Variants in PTPRD observed in about 807,000 individuals in gnomAD.
The protein encoded by PTPRD is receptor-type tyrosine-protein phosphatase delta.
In PTPRD, 34 loss-of-function variants were observed where a neutral mutation model predicts 214.5. The observed-to-expected ratio is 0.16, with a 90% CI of 0.12 to 0.21. PTPRD has a LOEUF of 0.21. PTPRD is among the 10% of genes least tolerant of loss of function. The pLI, the probability that PTPRD is intolerant of heterozygous loss-of-function variation, is 1.00. For missense variants in PTPRD, 2,545 were observed against 2,398.7 expected (o/e 1.06, Z -1.27); for synonymous variants, 1,128 against 845.7 (o/e 1.33, Z -5.79).
intron 39 of PTPRD, among the ~76,000 whole-genome samples, chr9:8,363,055 T>C (rs942450782): frequency 6.6e-6 from 1 of 152,204 alleles, no homozygotes; most frequent in Non-Finnish European, 1.5e-5. Flanking sequence ...TGATTTTTAC[T>C]AGGGTTTTTG....
intron 11 of PTPRD, among the ~76,000 whole-genome samples, chr9:8,800,624 T>A (rs541602003): frequency 2.2e-4 from 33 of 152,288 alleles, no homozygotes; most frequent in African/African-American, 7.7e-4. Context: ...GCATGAATAA[T>A]CCACCCCTTG....
chr9:8,533,317 G>A (rs536536693), intron 14 of PTPRD, among the ~76,000 whole-genome samples: 52 of 152,084 alleles, frequency 3.4e-4, no homozygotes, highest in African/African-American at 1.2e-3. Flanking sequence ...CTTTGACTCT[G>A]ACCCCAACTG....
intron 5 of PTPRD, among the ~76,000 whole-genome samples, chr9:9,924,850 G>A (rs2083713940): frequency 6.6e-6 from 1 of 152,032 alleles, no homozygotes. Flanking sequence ...TATGAAATTT[G>A]TTGCTAGTAA....
chr9:9,000,207 T>C (rs10977433), intron 11 of PTPRD, among the ~76,000 whole-genome samples: 9,872 of 152,090 alleles, frequency 0.065, 365 homozygotes, highest in Middle Eastern at 0.099. Flanking sequence ...TCTGAATCAC[T>C]CCAGATGCAC....
intron 5 of PTPRD, among the ~76,000 whole-genome samples, chr9:9,796,358 C>A (rs1192449861): frequency 2.6e-5 from 4 of 152,112 alleles, no homozygotes; most frequent in Non-Finnish European, 4.4e-5. Context: ...GCATAGAAGA[C>A]AGCTCAATTT....
intron 14 of PTPRD, among the ~76,000 whole-genome samples, chr9:8,534,175 C>T (rs1021615746): frequency 6.6e-6 from 1 of 151,964 alleles, no homozygotes; most frequent in Non-Finnish European, 1.5e-5. Flanking sequence ...GTCCTTGCTT[C>T]CTTCATTTTA....
At chr9:10,028,989 C>CGG (rs1322200230) in intron 4 of PTPRD, among the ~76,000 whole-genome samples, 3 of 152,058 alleles carry the variant, frequency 2.0e-5, no homozygotes, top group African/African-American at 7.2e-5. Flanking sequence ...GGGCTGTGTG[C>CGG]CGCCTAGGGA....
chr9:9,599,497 T>C (rs1300159270), intron 7 of PTPRD, among the ~76,000 whole-genome samples: 2 of 152,072 alleles, frequency 1.3e-5, no homozygotes, highest in Non-Finnish European at 2.9e-5. Flanking sequence ...TCCTCCAATA[T>C]CTACAGTCTC....
At chr9:10,101,771 G>C (rs1174142282) in intron 3 of PTPRD, among the ~76,000 whole-genome samples, 1 of 151,712 alleles carries the variant, frequency 6.6e-6, no homozygotes, top group African/African-American at 2.4e-5. Flanking sequence ...CTCAGTAAGA[G>C]TGATATAAAA....
chr9:8,344,024 T>A (rs1855100553), intron 39 of PTPRD, among the ~76,000 whole-genome samples: 1 of 152,038 alleles, frequency 6.6e-6, no homozygotes, highest in African/African-American at 2.4e-5. Context: ...TCTTTGCTGG[T>A]CTCCTGATAT....
chr9:10,212,618 T>G (rs1359397729), intron 3 of PTPRD, among the ~76,000 whole-genome samples: 1 of 152,168 alleles, frequency 6.6e-6, no homozygotes, highest in Non-Finnish European at 1.5e-5. Context: ...TCAGTATCTG[T>G]GTAAAAATAA....
intron 30 of PTPRD, among the ~76,000 whole-genome samples, chr9:8,477,201 T>A (rs934189653): frequency 6.6e-6 from 1 of 152,200 alleles, no homozygotes; most frequent in South Asian, 2.1e-4. Flanking sequence ...TTTGCCCGTC[T>A]GCCTCAAGCC....
intron 2 of PTPRD, among the ~76,000 whole-genome samples, chr9:10,542,784 T>TCTTG (rs1423495747): frequency 2.6e-5 from 4 of 152,128 alleles, no homozygotes; most frequent in African/African-American, 9.7e-5. Context: ...AATGGTGTGA[T>TCTTG]CTTGGCTCAC....
intron 2 of PTPRD, among the ~76,000 whole-genome samples, chr9:10,508,448 A>G (rs140540806): frequency 0.14 from 21,617 of 152,158 alleles, 2,544 homozygotes; most frequent in African/African-American, 0.32. Context: ...ATTACTGGGT[A>G]TATACCCAAA....
At chr9:9,838,052 A>G (rs1381668068) in intron 5 of PTPRD, among the ~76,000 whole-genome samples, 1 of 152,144 alleles carries the variant, frequency 6.6e-6, no homozygotes, top group African/African-American at 2.4e-5. Context: ...GTTTACTGAG[A>G]ATGATGATTT....
chr9:9,780,116 T>C (rs1260283953), intron 5 of PTPRD, among the ~76,000 whole-genome samples: 2 of 152,222 alleles, frequency 1.3e-5, no homozygotes, highest in Non-Finnish European at 2.9e-5. Flanking sequence ...TGGAGCAGTA[T>C]GGATGGAGCT....
At chr9:9,604,631 C>T (rs2094020915) in intron 7 of PTPRD, among the ~76,000 whole-genome samples, 1 of 152,024 alleles carries the variant, frequency 6.6e-6, no homozygotes, top group South Asian at 2.1e-4. Flanking sequence ...ACCATTACTA[C>T]TACATTTTAT....
intron 12 of PTPRD, among the ~76,000 whole-genome samples, chr9:8,724,744 G>A (rs1040577095): frequency 6.6e-6 from 1 of 151,812 alleles, no homozygotes; most frequent in Non-Finnish European, 1.5e-5. Flanking sequence ...GACCAGCCTG[G>A]GCAACATGAG....
intron 6 of PTPRD, among the ~76,000 whole-genome samples, chr9:9,738,605 C>G (rs1178671817): frequency 6.6e-6 from 1 of 151,646 alleles, no homozygotes; most frequent in African/African-American, 2.4e-5. Context: ...TCACGCCTGA[C>G]TAATTTTTGT....
Sources: gnomAD v4.1 joint callset for allele counts (sites outside exome capture counted in the v4.1 genomes callset) on GRCh38, gnomAD v4.1.1 for gene constraint, MANE v1.5 for transcripts, NCBI Gene and HGNC (gene_info 2026-07-23, HGNC 2026-07-21) for gene names.